Variants in ZC3HC1 observed in about 807,000 individuals in gnomAD.
ZC3HC1 encodes the protein zinc finger C3HC-type containing 1, also known as zinc finger C3HC-type protein 1.
Under a neutral mutation model 61.9 loss-of-function variants are expected in ZC3HC1, and 38 were observed. The observed-to-expected ratio is 0.61, with a 90% CI of 0.47 to 0.81. The LOEUF is 0.81. ZC3HC1 is among the 30% of genes least tolerant of loss of function. The pLI, the probability that ZC3HC1 is intolerant of heterozygous loss-of-function variation, is 0.00. For synonymous variants in ZC3HC1, 213 were observed against 229.9 expected, an observed-to-expected ratio of 0.93 and a Z score of 0.67; for missense variants, 554 against 622.7, an observed-to-expected ratio of 0.89 and a Z score of 1.17.
At chr7:130,019,863 T>C (rs1371381294) in intron 9 of ZC3HC1, among the ~76,000 whole-genome samples, 3 of 142,170 alleles carry the variant, frequency 2.1e-5, no homozygotes, top group African/African-American at 7.9e-5. Flanking sequence ...GTCGCCAGGC[T>C]GGAGTGCTGT....
At position 130,025,813 on chromosome 7, in the gene ZC3HC1, G is replaced by A. The variant is rs188374922; in HGVS notation, c.776+345C>T. Among the ~76,000 whole-genome samples, 115 of 135,434 alleles carry A rather than the reference G, an allele frequency of 8.5e-4. 2 individuals carry two copies. Among genetic ancestry groups the A allele is most frequent in the African/African-American group, 3.0e-3 (108 of 35,914 alleles). The allele number at this position is 135,434 out of a possible 152,430, so 88.8% of individuals were successfully genotyped here. A position where few individuals can be genotyped will look rare whatever the true frequency, so the allele number is the denominator to read the frequency against. On this transcript the variant is annotated intron_variant, in intron 6 of 9. Coordinates refer to ENST00000358303, the MANE Select transcript of ZC3HC1 (RefSeq NM_016478.5). ...ACCCGGGAGGCGGAGCTTGCAGTGA[G>A]CTGAGATCGCGCACGCCACTACCCT...
At chr7:130,018,844 T>C (rs1793489827) in intron 9 of ZC3HC1, 112 bp from the exon 10 acceptor site, 1 of 920,336 alleles carries the variant, frequency 1.1e-6, no homozygotes, top group Non-Finnish European at 1.7e-6. Context: ...AAAATTCATT[T>C]TGTAGTATGC....
At position 130,026,240 on chromosome 7, in the gene ZC3HC1, T is replaced by A; in HGVS notation, c.694A>T (p.Arg232Ter). 6.2e-7 allele frequency: 1 copy of A among 1,614,170 alleles called. No individual in the cohort carries two copies. Among genetic ancestry groups the A allele is most frequent in the Admixed American group, 1.7e-5 (1 of 60,008 alleles). The change falls in exon 6 of 10, where the codon AGA becomes TGA. Residue 232 changes from arginine (R) to a stop codon, truncating the protein, a stop_gained. Coordinates refer to ENST00000358303, the MANE Select transcript of ZC3HC1 (RefSeq NM_016478.5). LOFTEE classifies it high-confidence loss of function. ...EDELDHRTDERKTTIKLGSDI... is the reference protein window; with the variant it reads ...EDELDHRTDE ...GAGCCTAATTTGATTGTAGTTTTTC[T>A]CTCATCAGTTCGGTGATCAAGTTCA...
intron 4 of ZC3HC1, chr7:130,039,204 C>T (rs1467310007): frequency 5.8e-5 from 24 of 416,124 alleles, no homozygotes; most frequent in Non-Finnish European, 7.3e-5. Flanking sequence ...ATTAGCTGGG[C>T]GTGGTGGCGC....
rs370556644 is a variant in ZC3HC1, at chr7:130,024,302, G to A, written c.981C>T (p.Thr327=). ...GGGAGAAAGTGGCATCCTGGCTCCGGGTCATCATCCTCCGAGGAGATTCAG... is the reference window on the plus strand; with the variant it reads ...GGGAGAAAGTGGCATCCTGGCTCCGAGTCATCATCCTCCGAGGAGATTCAG... The part of the protein sequence containing the change: ...LVPESPRRMM[T]RSQDATFSPG... Residue 327 remains threonine (T), a synonymous_variant, in exon 7 of 10, where the codon ACC becomes ACT. Transcript: ENST00000358303. 11 of 1,613,500 alleles carry A rather than the reference G, an allele frequency of 6.8e-6. No homozygotes were observed. Among genetic ancestry groups the A allele is most frequent in the Non-Finnish European group, 9.3e-6 (11 of 1,179,726 alleles).
intron 9 of ZC3HC1, 117 bp from the exon 10 acceptor site, chr7:130,018,849 G>C (rs540728077): frequency 2.9e-5 from 25 of 857,620 alleles, no homozygotes; most frequent in Non-Finnish European, 4.4e-5. Flanking sequence ...TCATTTTGTA[G>C]TATGCTATAC....
intron 6 of ZC3HC1, 120 bp downstream of exon 6, chr7:130,026,038 C>T (rs954242764): frequency 6.9e-5 from 86 of 1,245,260 alleles, no homozygotes; most frequent in Non-Finnish European, 8.8e-5. Context: ...CCCAGTTTTT[C>T]TTTGTCTCTT....
chr7:130,021,647 C>A (rs921308087), intron 9 of ZC3HC1, among the ~76,000 whole-genome samples: 2 of 152,186 alleles, frequency 1.3e-5, no homozygotes, highest in Non-Finnish European at 2.9e-5. Context: ...GTTAACTGGC[C>A]AGGCTCCAAG....
rs1197821311 is a variant in ZC3HC1 at position 130,022,531 on chromosome 7, GA to G, written c.1234-7del. ...AAGCTTCGGGAAGATGTGTCCTGAG[GA>G]AGGAGAAAAAGAAATAGCATTCATA... is the stretch of plus-strand genomic sequence containing the variant. On this transcript the variant is annotated splice_polypyrimidine_tract_variant and splice_region_variant and intron_variant, in intron 8 of 9. Transcript: ENST00000358303. 1 of 1,614,024 alleles carries G rather than the reference GA, an allele frequency of 6.2e-7. No individual in the cohort carries two copies.
Position 130,051,281 on chromosome 7 carries a change from G to C in ZC3HC1, c.86C>G (p.Pro29Arg). The stretch of plus-strand genomic sequence containing the variant: ...ATCTATCAGCTGCCGGATTTTCTGG[G>C]GGGTCCCTTCTGGGGAGCGAACTAC... ...GAVVRSPEGT[P>R]QKIRQLIDEG... is the part of the protein sequence containing the mutation. The change falls in exon 1 of 10, where the codon CCC (proline) becomes CGC (arginine). Residue 29 changes from proline (P) to arginine (R), a missense_variant. By Grantham distance (103) the Pro-to-Arg change is moderately radical. Transcript: ENST00000358303. The C allele has an allele frequency of 6.2e-7, 1 of 1,612,444 alleles. No homozygotes were observed. Among genetic ancestry groups the C allele is most frequent in the Non-Finnish European group, 8.5e-7 (1 of 1,179,256 alleles).
At chr7:130,029,374 C>CA (rs1233203215) in intron 4 of ZC3HC1, among the ~76,000 whole-genome samples, 1 of 151,644 alleles carries the variant, frequency 6.6e-6, no homozygotes, top group African/African-American at 2.4e-5. Context: ...GACTCTGTCT[C>CA]AAAAAATAAT....
At chr7:130,050,629 T>G in intron 1 of ZC3HC1, 1 of 745,902 alleles carries the variant, frequency 1.3e-6, no homozygotes, top group Non-Finnish European at 2.0e-6. Context: ...CAGTACCTGC[T>G]AATTTGTCAC....
At position 130,023,009 on chromosome 7, in the gene ZC3HC1, C is replaced by G. The variant is rs1226397917; in HGVS notation, c.1234-484G>C. On this transcript the variant is annotated intron_variant, in intron 8 of 9. Coordinates refer to ENST00000358303, the MANE Select transcript of ZC3HC1 (RefSeq NM_016478.5). The surrounding 1 kb of genome is among the most constrained non-coding windows in gnomAD (Gnocchi z 4.2). ...GATCTGTCACTGTTTCCCGTCACCC[C>G]CAGATGAGATCATCTAGTTGCAGGA... 1 of 179,762 alleles carries G rather than the reference C, an allele frequency of 5.6e-6. No individual in the cohort carries two copies. Among genetic ancestry groups the G allele is most frequent in the African/African-American group, 2.4e-5 (1 of 41,462 alleles). The allele number at this position is 179,762 out of a possible 1,614,324, so 11.1% of individuals were successfully genotyped here.
chr7:130,041,161 T>C (rs1376942066), intron 2 of ZC3HC1, 60 bp from the exon 3 acceptor site: 1 of 1,511,840 alleles, frequency 6.6e-7, no homozygotes, highest in African/African-American at 1.4e-5. Context: ...TGTATGTGTG[T>C]GTGTGTGTGT....
chr7:130,019,740 G>C (rs932403585), intron 9 of ZC3HC1, among the ~76,000 whole-genome samples: 2 of 150,814 alleles, frequency 1.3e-5, no homozygotes, highest in African/African-American at 4.9e-5. Context: ...GGGTCTCAGT[G>C]AGAGTACAAA....
intron 3 of ZC3HC1, among the ~76,000 whole-genome samples, chr7:130,040,485 G>A (rs6976845): frequency 0.99 from 130,762 of 132,446 alleles, 64,583 homozygotes; most frequent in Middle Eastern, 1. Flanking sequence ...GGGACAGAGC[G>A]AGACTCCGTC....
chr7:130,040,510 A>AG (rs1384319935), intron 3 of ZC3HC1, among the ~76,000 whole-genome samples: 1 of 149,890 alleles, frequency 6.7e-6, no homozygotes, highest in East Asian at 2.0e-4. Flanking sequence ...AAAAAAAAAA[A>AG]AAAAAAAAAG....
At chr7:130,050,582 A>G in intron 1 of ZC3HC1, 2 of 1,198,236 alleles carry the variant, frequency 1.7e-6, no homozygotes, top group East Asian at 2.7e-5. Context: ...ATTTTCTTCA[A>G]TTATGAATGA....
At chr7:130,040,497 C>CA (rs35982469) in intron 3 of ZC3HC1, among the ~76,000 whole-genome samples, 1,123 of 43,614 alleles carry the variant, frequency 0.026, 13 homozygotes, top group East Asian at 0.054. Flanking sequence ...GACTCCGTCT[C>CA]AAAAAAAAAA....
Sources: allele counts gnomAD v4.1 joint callset (sites outside exome capture counted in the v4.1 genomes callset), GRCh38; gene constraint gnomAD v4.1.1; non-coding constraint Gnocchi (gnomAD v3.1); transcripts MANE v1.5; gene names NCBI Gene and HGNC (gene_info 2026-07-23, HGNC 2026-07-21).